KIAA1549L: variants seen among roughly 807,000 people sequenced by gnomAD.
KIAA1549L encodes the protein KIAA1549 like.
KIAA1549L carries 88 observed loss-of-function variants against 160.7 expected under a neutral mutation model. The ratio of observed to expected loss-of-function variants is 0.55; its 90% CI spans 0.46 to 0.65. The LOEUF (loss-of-function observed/expected upper bound fraction) is 0.65. KIAA1549L is among the 30% of genes least tolerant of loss of function. KIAA1549L has a pLI of 0.00. For missense variants in KIAA1549L, 2,258 were observed against 2,437.5 expected (o/e 0.93, Z 1.55); for synonymous variants, 950 against 976.7 (o/e 0.97, Z 0.51).
At chr11:33,495,702 AC>A (rs966489400) in intron 1 of KIAA1549L, among the ~76,000 whole-genome samples, 8 of 152,066 alleles carry the variant, frequency 5.3e-5, no homozygotes, top group Non-Finnish European at 7.4e-5. Context: ...GAATCGCCAC[AC>A]CGACTTCCAC....
intron 1 of KIAA1549L, among the ~76,000 whole-genome samples, chr11:33,392,285 C>G (rs1265457716): frequency 6.6e-6 from 1 of 152,138 alleles, no homozygotes; most frequent in Admixed American, 6.5e-5. Context: ...CTATATCTAC[C>G]ATCTAAATGG....
chr11:33,530,190 C>T (rs890876713), intron 1 of KIAA1549L, among the ~76,000 whole-genome samples: 13 of 148,500 alleles, frequency 8.8e-5, no homozygotes, highest in African/African-American at 3.0e-4. Context: ...GTCAGGAGAT[C>T]GAGACCATCC....
intron 1 of KIAA1549L, among the ~76,000 whole-genome samples, chr11:33,401,805 G>T (rs1850506244): frequency 6.6e-6 from 1 of 152,130 alleles, no homozygotes; most frequent in Non-Finnish European, 1.5e-5. Flanking sequence ...ATGAGCCATG[G>T]CGCTCTAGAA....
At chr11:33,432,098 G>GCAGTC (rs375691147) in intron 1 of KIAA1549L, among the ~76,000 whole-genome samples, 175 of 152,346 alleles carry the variant, frequency 1.1e-3, no homozygotes, top group African/African-American at 4.2e-3. Flanking sequence ...AGCTCTGCAC[G>GCAGTC]CAGTCCCGGT....
chr11:33,533,135 A>G (rs1007004052), intron 1 of KIAA1549L, among the ~76,000 whole-genome samples: 8 of 152,164 alleles, frequency 5.3e-5, no homozygotes, highest in African/African-American at 1.9e-4. Flanking sequence ...GCAGAAGGGG[A>G]GCCAGATCAG....
At chr11:33,596,613 C>G (rs1392969932) in intron 12 of KIAA1549L, among the ~76,000 whole-genome samples, 1 of 152,118 alleles carries the variant, frequency 6.6e-6, no homozygotes, top group Non-Finnish European at 1.5e-5. Flanking sequence ...GCGGCGGGCG[C>G]CTGTAATCCC....
At chr11:33,654,095 C>G (rs1468793138) in intron 17 of KIAA1549L, among the ~76,000 whole-genome samples, 1 of 152,144 alleles carries the variant, frequency 6.6e-6, no homozygotes, top group Non-Finnish European at 1.5e-5. Flanking sequence ...GCCTCAGCCT[C>G]CCGAGTAGCT....
intron 16 of KIAA1549L, among the ~76,000 whole-genome samples, chr11:33,640,124 G>A (rs1214220117): frequency 6.6e-6 from 1 of 151,474 alleles, no homozygotes; most frequent in Non-Finnish European, 1.5e-5. Context: ...ATGTGTGTGT[G>A]TTTACATATA....
At chr11:33,589,655 G>T (rs1280007015) in intron 11 of KIAA1549L, among the ~76,000 whole-genome samples, 1 of 151,736 alleles carries the variant, frequency 6.6e-6, no homozygotes, top group East Asian at 1.9e-4. Flanking sequence ...GCAAACTATC[G>T]CAAGGACAAA....
chr11:33,493,578 A>G (rs1421338702), intron 1 of KIAA1549L, among the ~76,000 whole-genome samples: 2 of 152,276 alleles, frequency 1.3e-5, no homozygotes, highest in Middle Eastern at 6.8e-3. Context: ...AGTGTTTCCT[A>G]TAGGGGAGAA....
At chr11:33,396,085 G>A (rs766530786) in intron 1 of KIAA1549L, among the ~76,000 whole-genome samples, 1 of 152,040 alleles carries the variant, frequency 6.6e-6, no homozygotes, top group Non-Finnish European at 1.5e-5. Context: ...CTGGTGTTGT[G>A]TCTTTGCTAG....
At chr11:33,583,616 T>TAAA (rs1377834330) in intron 11 of KIAA1549L, 115 bp downstream of exon 11, 1 of 947,158 alleles carries the variant, frequency 1.1e-6, no homozygotes, top group Non-Finnish European at 1.5e-6. Flanking sequence ...TCAGGGCAGG[T>TAAA]CCTCATTTTG....
At chr11:33,426,227 G>A (rs547992038) in intron 1 of KIAA1549L, among the ~76,000 whole-genome samples, 4 of 152,294 alleles carry the variant, frequency 2.6e-5, no homozygotes, top group East Asian at 1.9e-4. Context: ...CAAGTGAAGC[G>A]TATTGAACTC....
chr11:33,568,028 G>A, intron 8 of KIAA1549L, 48 bp from the exon 9 acceptor site: 1 of 1,527,650 alleles, frequency 6.5e-7, no homozygotes, highest in Non-Finnish European at 8.8e-7. Flanking sequence ...TACTGAATCA[G>A]CAGAAAGTCT....
intron 16 of KIAA1549L, among the ~76,000 whole-genome samples, chr11:33,619,801 T>C (rs16924503): frequency 0.086 from 13,074 of 152,280 alleles, 983 homozygotes; most frequent in African/African-American, 0.19. Context: ...AATTATTCAA[T>C]GTTAATTTTT....
chr11:33,537,640 C>A (rs2615929), intron 1 of KIAA1549L, among the ~76,000 whole-genome samples: 52,312 of 152,058 alleles, frequency 0.34, 9,405 homozygotes, highest in Middle Eastern at 0.47. Flanking sequence ...CTTCTTCCCA[C>A]TGTCCCTAGT....
intron 16 of KIAA1549L, among the ~76,000 whole-genome samples, chr11:33,622,513 T>C (rs1850986797): frequency 6.6e-6 from 1 of 152,154 alleles, no homozygotes; most frequent in Non-Finnish European, 1.5e-5. Context: ...ACTGTGGTGC[T>C]CAGCAACCCA....
chr11:33,655,396 A>G (rs1036650119), intron 17 of KIAA1549L, among the ~76,000 whole-genome samples: 15 of 152,196 alleles, frequency 9.9e-5, no homozygotes, highest in Admixed American at 5.2e-4. Flanking sequence ...ACCTTCACAC[A>G]TACGTCCTCA....
intron 10 of KIAA1549L, among the ~76,000 whole-genome samples, chr11:33,579,110 A>G (rs1468708343): frequency 6.6e-6 from 1 of 152,144 alleles, no homozygotes; most frequent in Non-Finnish European, 1.5e-5. Flanking sequence ...CTAGTTATGG[A>G]GCTTGGAGTC....
Sources: gnomAD v4.1 joint callset for allele counts (sites outside exome capture counted in the v4.1 genomes callset) on GRCh38, gnomAD v4.1.1 for gene constraint, MANE v1.5 for transcripts, NCBI Gene and HGNC (gene_info 2026-07-23, HGNC 2026-07-21) for gene names.